Variants in MID1 observed in about 807,000 individuals in gnomAD.
The protein encoded by MID1 is midline 1.
In MID1, 7 loss-of-function variants were observed where a neutral mutation model predicts 40.4. The observed-to-expected ratio is 0.17, with a 90% confidence interval of 0.10 to 0.33. The LOEUF is 0.33. MID1 is among the 10% of genes least tolerant of loss of function. The pLI is 1.00. For synonymous variants in MID1, 229 were observed against 221.2 expected, an observed-to-expected ratio of 1.04 and a Z score of -0.31; for missense variants, 367 against 558.5, an observed-to-expected ratio of 0.66 and a Z score of 3.46.
At chrX:10,675,733 G>A (rs1299213491) in intron 1 of MID1, among the ~76,000 whole-genome samples, 4 of 111,324 alleles carry the variant, frequency 3.6e-5, no homozygotes, top group African/African-American at 9.8e-5. Flanking sequence ...ATGAAAGTCA[G>A]CTCTAGAAAT....
chrX:10,579,955 CTG>C lies in MID1; in HGVS notation c.-56-12354_-56-12353del, dbSNP rs1040943641. Among the ~76,000 whole-genome samples, 26 of 110,396 alleles carry C rather than the reference CTG, an allele frequency of 2.4e-4. 1 individual carries two copies. Among genetic ancestry groups the C allele is most frequent in the Middle Eastern group, 4.6e-3 (1 of 217 alleles). Reference sequence around the variant, plus strand: ...CAGGATATTAAGAACAGCGTCGGGACTGTGTGTCTGTACAGAACAAAGCCGGG... The same window carrying C: ...CAGGATATTAAGAACAGCGTCGGGACTGTGTCTGTACAGAACAAAGCCGGG... On this transcript the variant is annotated intron_variant, in intron 1 of 9. Transcript: ENST00000317552.
At chrX:10,772,482 T>C (rs912873298) in intron 1 of MID1, among the ~76,000 whole-genome samples, 3 of 109,505 alleles carry the variant, frequency 2.7e-5, no homozygotes, top group African/African-American at 1.0e-4. Context: ...GGGTGATGGG[T>C]GCACTGAAAC....
intron 1 of MID1, among the ~76,000 whole-genome samples, chrX:10,657,824 C>T (rs975867894): frequency 5.4e-5 from 6 of 112,027 alleles, no homozygotes; most frequent in African/African-American, 1.9e-4. Flanking sequence ...GAAACATTGA[C>T]TTTTGGGTTG....
intron 1 of MID1, among the ~76,000 whole-genome samples, chrX:10,569,321 A>G (rs1934659517): frequency 1.8e-5 from 2 of 112,037 alleles, no homozygotes; most frequent in South Asian, 7.4e-4. Context: ...CATTTATTAT[A>G]TAGGAAAGAA....
chrX:10,578,664 T>G (rs1934933009), intron 1 of MID1, among the ~76,000 whole-genome samples: 1 of 112,267 alleles, frequency 8.9e-6, no homozygotes, highest in African/African-American at 3.2e-5. Context: ...TATGCTGTAC[T>G]GGGTATCATG....
At chrX:10,746,311 C>T (rs1463336664) in intron 1 of MID1, among the ~76,000 whole-genome samples, 1 of 111,819 alleles carries the variant, frequency 8.9e-6, no homozygotes, top group Non-Finnish European at 1.9e-5. Context: ...ATACAATTGA[C>T]TTGATACCTT....
intron 1 of MID1, among the ~76,000 whole-genome samples, chrX:10,597,443 T>C (rs1174010607): frequency 8.9e-6 from 1 of 111,974 alleles, no homozygotes; most frequent in Non-Finnish European, 1.9e-5. Flanking sequence ...TTACTAAATA[T>C]TAAAATGTTA....
At chrX:10,519,842 T>C (rs1263439197) in intron 3 of MID1, among the ~76,000 whole-genome samples, 2 of 112,101 alleles carry the variant, frequency 1.8e-5, no homozygotes, top group African/African-American at 6.5e-5. Context: ...TGCTAACTCA[T>C]GTGTTTCTCT....
intron 1 of MID1, among the ~76,000 whole-genome samples, chrX:10,830,238 G>A (rs1476059692): frequency 8.9e-6 from 1 of 112,367 alleles, no homozygotes; most frequent in African/African-American, 3.2e-5. Flanking sequence ...GGGAAGCTCT[G>A]ATTTAGAGAA....
intron 3 of MID1, chrX:10,501,634 G>T: frequency 1.2e-6 from 1 of 864,402 alleles, no homozygotes; most frequent in Non-Finnish European, 1.6e-6. Context: ...GGCCTGCCTA[G>T]TCCTGAGATG....
chrX:10,610,789 G>T (rs138073647), intron 1 of MID1, among the ~76,000 whole-genome samples: 3 of 111,566 alleles, frequency 2.7e-5, no homozygotes, highest in East Asian at 2.8e-4. Flanking sequence ...TTAGCATAAG[G>T]ATCAGACATG....
chrX:10,506,512 T>C (rs1238644534), intron 3 of MID1: 8 of 518,753 alleles, frequency 1.5e-5, no homozygotes, highest in South Asian at 1.2e-4. Flanking sequence ...AGAGTATTTA[T>C]GTAACATCTC....
intron 9 of MID1, among the ~76,000 whole-genome samples, chrX:10,451,152 T>C (rs968000924): frequency 1.8e-5 from 2 of 111,147 alleles, no homozygotes; most frequent in African/African-American, 6.6e-5. Context: ...CAGGCCTGTC[T>C]GTCATCAATG....
At chrX:10,631,371 T>G (rs1936050810) in intron 1 of MID1, among the ~76,000 whole-genome samples, 1 of 111,778 alleles carries the variant, frequency 8.9e-6, no homozygotes, top group African/African-American at 3.3e-5. Context: ...GAAAAGGTAC[T>G]AATATTATCC....
chrX:10,821,928 G>C (rs1452110959), intron 1 of MID1, among the ~76,000 whole-genome samples: 1 of 111,047 alleles, frequency 9.0e-6, no homozygotes, highest in Non-Finnish European at 1.9e-5. Flanking sequence ...TGGGAGATGG[G>C]CTTGGCTGGA....
chrX:10,542,379 T>TA (rs1224622431), intron 2 of MID1, among the ~76,000 whole-genome samples: 2 of 111,378 alleles, frequency 1.8e-5, no homozygotes, highest in South Asian at 3.8e-4. Flanking sequence ...TCTGAACCTT[T>TA]AAAAAAAACT....
chrX:10,759,808 G>A (rs1014095447), intron 1 of MID1, among the ~76,000 whole-genome samples: 6 of 111,908 alleles, frequency 5.4e-5, no homozygotes, highest in Admixed American at 9.5e-5. Context: ...CATAAGAAAT[G>A]CCTGTGTGGT....
At chrX:10,635,791 A>T (rs1196559269) in intron 1 of MID1, among the ~76,000 whole-genome samples, 5 of 111,989 alleles carry the variant, frequency 4.5e-5, no homozygotes, top group Admixed American at 3.8e-4. Context: ...AAGTATAATA[A>T]TTAGGGTGGT....
intron 3 of MID1, among the ~76,000 whole-genome samples, chrX:10,522,587 C>G (rs1198864803): frequency 8.9e-6 from 1 of 112,024 alleles, no homozygotes; most frequent in Non-Finnish European, 1.9e-5. Context: ...AGCTCCGCCT[C>G]CCGGGTTCAT....
Sources: allele counts gnomAD v4.1 joint callset (sites outside exome capture counted in the v4.1 genomes callset), GRCh38; gene constraint gnomAD v4.1.1; transcripts MANE v1.5; gene names NCBI Gene and HGNC (gene_info 2026-07-23, HGNC 2026-07-21).